GPR137C: variants seen among roughly 807,000 people sequenced by gnomAD.
GPR137C encodes the protein G protein-coupled receptor 137C.
Under a neutral mutation model 43.4 loss-of-function variants are expected in GPR137C, and 27 were observed. The ratio of observed to expected loss-of-function variants is 0.62; its 90% CI spans 0.46 to 0.86. The LOEUF (loss-of-function observed/expected upper bound fraction) is 0.86, where lower values mean the gene tolerates loss of function less well. GPR137C is among the 40% of genes least tolerant of loss of function. The pLI is 0.00. For missense variants in GPR137C, 522 were observed against 534.6 expected, an observed-to-expected ratio of 0.98 and a Z score of 0.23; for synonymous variants, 285 against 226.9, an observed-to-expected ratio of 1.26 and a Z score of -2.30.
intron 3 of GPR137C, among the ~76,000 whole-genome samples, chr14:52,631,791 G>A (rs1164622023): frequency 6.6e-6 from 1 of 152,032 alleles, no homozygotes; most frequent in Non-Finnish European, 1.5e-5. Flanking sequence ...TGTATCAAAT[G>A]AACTAATGCT....
chr14:52,613,869 C>T (rs947084246), intron 3 of GPR137C, among the ~76,000 whole-genome samples: 1 of 152,160 alleles, frequency 6.6e-6, no homozygotes, highest in East Asian at 1.9e-4. Flanking sequence ...GGTATATACC[C>T]AGCAGTGGGA....
intron 1 of GPR137C, among the ~76,000 whole-genome samples, chr14:52,575,505 T>C (rs1371583880): frequency 2.0e-5 from 3 of 152,260 alleles, no homozygotes; most frequent in Admixed American, 6.5e-5. Context: ...TGCTCAGTTA[T>C]TACATTTTAC....
intron 1 of GPR137C, among the ~76,000 whole-genome samples, chr14:52,561,047 C>T (rs541406185): frequency 6.6e-6 from 1 of 152,198 alleles, no homozygotes; most frequent in Admixed American, 6.5e-5. Flanking sequence ...TGAACAGATA[C>T]TTCACAAAAA....
intron 3 of GPR137C, among the ~76,000 whole-genome samples, chr14:52,625,450 C>T (rs547127130): frequency 1.4e-5 from 2 of 144,158 alleles, no homozygotes; most frequent in East Asian, 4.1e-4. Context: ...CTACTGCACT[C>T]CAGCCTGGGT....
intron 1 of GPR137C, among the ~76,000 whole-genome samples, chr14:52,580,650 C>A (rs2038629946): frequency 6.6e-6 from 1 of 151,730 alleles, no homozygotes; most frequent in African/African-American, 2.4e-5. Context: ...AGGCGTGAGC[C>A]AACACTCCTG....
rs561781535 is a variant in GPR137C, at chr14:52,576,956, G to A, written c.445-21316G>A. Among the ~76,000 whole-genome samples, 14 of 152,102 alleles carry A rather than the reference G, an allele frequency of 9.2e-5. No homozygotes were observed. In the East Asian group the frequency reaches 1.7e-3, roughly 19 times the overall value. On this transcript the variant is annotated intron_variant, in intron 1 of 6. Transcript: ENST00000321662. ...TGTAATCCCAGCACTTTGGGAGGCCGAGGCAGGTGGATCACTTGAGGTCAG... is the reference window on the plus strand; with the variant it reads ...TGTAATCCCAGCACTTTGGGAGGCCAAGGCAGGTGGATCACTTGAGGTCAG...
chr14:52,580,892 A>T (rs561195156), intron 1 of GPR137C, among the ~76,000 whole-genome samples: 2 of 148,316 alleles, frequency 1.3e-5, no homozygotes, highest in Non-Finnish European at 3.0e-5. Context: ...ATATACATAT[A>T]TATTTTTAGT....
intron 1 of GPR137C, among the ~76,000 whole-genome samples, chr14:52,559,321 G>A: frequency 6.6e-6 from 1 of 152,122 alleles, no homozygotes; most frequent in Non-Finnish European, 1.5e-5. Context: ...GGTGGAAGTT[G>A]CAGTGAACCG....
At chr14:52,557,242 A>G (rs1012473627) in intron 1 of GPR137C, among the ~76,000 whole-genome samples, 6 of 152,212 alleles carry the variant, frequency 3.9e-5, no homozygotes, top group African/African-American at 1.4e-4. Context: ...CTTTATAAAA[A>G]GGTCAAAATT....
chr14:52,602,748 T>G (rs2038941213), intron 3 of GPR137C, among the ~76,000 whole-genome samples: 1 of 152,136 alleles, frequency 6.6e-6, no homozygotes, highest in Non-Finnish European at 1.5e-5. Context: ...ATCTTAAAAT[T>G]TTATTTATTT....
intron 3 of GPR137C, among the ~76,000 whole-genome samples, chr14:52,625,450 C>A (rs547127130): frequency 6.9e-6 from 1 of 144,042 alleles, no homozygotes. Context: ...CTACTGCACT[C>A]CAGCCTGGGT....
intron 3 of GPR137C, among the ~76,000 whole-genome samples, chr14:52,631,445 T>G (rs574642894): frequency 6.6e-6 from 1 of 152,170 alleles, no homozygotes; most frequent in East Asian, 1.9e-4. Context: ...ATGCATAAAA[T>G]AAAATACATA....
rs2039361706 is a variant in GPR137C at position 52,637,101 on chromosome 14, C to T, written c.*1986C>T. The T allele has an allele frequency of 6.6e-6, 1 of 152,110 alleles. No individual in the cohort carries two copies. Among genetic ancestry groups the T allele is most frequent in the South Asian group, 2.1e-4 (1 of 4,828 alleles). 9.4% of individuals were successfully genotyped at this position (152,110 alleles called of 1,614,324 possible). On this transcript the variant is annotated 3_prime_UTR_variant, in exon 7 of 7. Transcript: ENST00000321662. ...TTCAGATAAAATAACTTGGTTCTTT[C>T]TGCTGCATTAGTTGATTGTTCCAAA...
chr14:52,611,879 C>T (rs755423527), intron 3 of GPR137C: 11 of 886,092 alleles, frequency 1.2e-5, no homozygotes, highest in Admixed American at 6.2e-5. Context: ...TAGTATATTA[C>T]GTGGCACTAA....
Position 52,553,022 on chromosome 14 carries a change from G to A in GPR137C, c.-126G>A. On this transcript the variant is annotated 5_prime_UTR_variant, in exon 1 of 7. Coordinates refer to ENST00000321662, the MANE Select transcript of GPR137C (RefSeq NM_001099652.2). ...TGCGCTGGACTCCGGGTCCCGTCAC[G>A]GCGCTTCCTGGGGTTAGAGGCTGGG... The A allele has an allele frequency of 2.7e-6, 1 of 375,098 alleles. No individual in the cohort carries two copies. The highest frequency in any genetic ancestry group is 4.0e-6 in the Non-Finnish European group (1 of 251,060). 23.2% of individuals were successfully genotyped at this position (375,098 alleles called of 1,614,324 possible).
At chr14:52,621,656 A>C (rs2039162546) in intron 3 of GPR137C, among the ~76,000 whole-genome samples, 1 of 151,874 alleles carries the variant, frequency 6.6e-6, no homozygotes, top group African/African-American at 2.4e-5. Flanking sequence ...AAATGGATCT[A>C]TACAGTTGCA....
Position 52,553,239 on chromosome 14 carries a change from G to T in GPR137C, c.92G>T (p.Gly31Val). The change falls in exon 1 of 7, where the codon GGC becomes GTC. Residue 31 changes from glycine to valine, a missense_variant. This residue lies in a region of GPR137C where 437 missense variants were observed against 425.7 expected (regional missense o/e 1.03). Transcript: ENST00000321662. ...CCCGGCGGGGGCAGCGGAGGCGGAG[G>T]CGCCGTCGCTGCAGCCTCAGGCGCC... The part of the protein sequence containing the change: ...STPGGGSGGG[G>V]AVAAASGAAV... 3 of 1,300,658 alleles carry T rather than the reference G, an allele frequency of 2.3e-6. No individual in the cohort carries two copies. Among genetic ancestry groups the T allele is most frequent in the Non-Finnish European group, 2.9e-6 (3 of 1,024,968 alleles). 80.6% of individuals were successfully genotyped at this position (1,300,658 alleles called of 1,614,324 possible).
chr14:52,608,772 T>C (rs544011141), intron 3 of GPR137C, among the ~76,000 whole-genome samples: 13 of 152,242 alleles, frequency 8.5e-5, no homozygotes, highest in African/African-American at 2.9e-4. Context: ...TGGCCCGTAA[T>C]GTTTCTGCTG....
At chr14:52,634,055 CA>C (rs564294966) in intron 6 of GPR137C, 109 bp downstream of exon 6, 75 of 692,114 alleles carry the variant, frequency 1.1e-4, no homozygotes, top group African/African-American at 1.1e-3. Context: ...GGTAATATGT[CA>C]ATAAATAAGA....
Sources: allele counts gnomAD v4.1 joint callset (sites outside exome capture counted in the v4.1 genomes callset), GRCh38; gene constraint gnomAD v4.1.1; regional missense constraint gnomAD v4.1.1; transcripts MANE v1.5; gene names NCBI Gene and HGNC (gene_info 2026-07-23, HGNC 2026-07-21).